Variants in KLHL21 observed in about 807,000 individuals in gnomAD.
The protein encoded by KLHL21 is kelch like family member 21, also known as kelch-like protein 21.
KLHL21 carries 42 observed loss-of-function variants against 44.1 expected under a neutral mutation model. The ratio of observed to expected loss-of-function variants is 0.95; its 90% CI spans 0.74 to 1.23. KLHL21 has a LOEUF of 1.23. Ranked by LOEUF, KLHL21 falls within the 50% of genes most tolerant of loss-of-function variation. KLHL21 has a pLI of 0.00. For missense variants in KLHL21, 918 were observed against 889.1 expected (o/e 1.03, Z -0.41); for synonymous variants, 524 against 411.6 (o/e 1.27, Z -3.31).
At chr1:6,601,669 G>A (rs1040486994) in intron 1 of KLHL21, 128 bp downstream of exon 1, 9 of 1,391,840 alleles carry the variant, frequency 6.5e-6, no homozygotes, top group Admixed American at 5.7e-5. Context: ...GTAGTCACCA[G>A]AGCCCCAGCT....
chr1:6,593,759 C>A (rs1640887636), intron 3 of KLHL21, 101 bp from the exon 4 acceptor site: 2 of 1,431,352 alleles, frequency 1.4e-6, no homozygotes, highest in South Asian at 1.5e-5. Flanking sequence ...GTCAGTACCC[C>A]AGAGGGGTGG....
rs776273068 is a variant in KLHL21, at chr1:6,593,474, A to G, written c.1685T>C (p.Phe562Ser). 2 of 1,613,746 alleles carry G rather than the reference A, an allele frequency of 1.2e-6. No homozygotes were observed. The highest frequency in any genetic ancestry group is 8.5e-7 in the Non-Finnish European group (1 of 1,179,986). Reference protein sequence around the residue: ...WHGSVSIFRQFMPQTFSGGRG... With the variant: ...WHGSVSIFRQSMPQTFSGGRG... ...CCCACCCGAGAAGGTCTGGGGCATG[A>G]ACTGGCGGAAGATGCTGACACTGCC... The change falls in exon 4 of 4, where the codon TTC (phenylalanine) becomes TCC (serine). Residue 562 changes from phenylalanine to serine, a missense_variant. Coordinates refer to ENST00000377658, the MANE Select transcript of KLHL21 (RefSeq NM_014851.4).
chr1:6,600,371 G>C (rs1012659584), intron 1 of KLHL21, among the ~76,000 whole-genome samples: 3 of 152,118 alleles, frequency 2.0e-5, no homozygotes, highest in Admixed American at 6.5e-5. Context: ...AAAAAGCTAA[G>C]AATAAAAAGT....
Position 6,593,615 on chromosome 1 carries a change from T to C in KLHL21, c.1544A>G (p.Tyr515Cys). The C allele has an allele frequency of 6.2e-7, 1 of 1,604,678 alleles. No homozygotes were observed. The highest frequency in any genetic ancestry group is 8.5e-7 in the Non-Finnish European group (1 of 1,173,488). ...TGTATTGTCGTATCCCCCAGAGACGTACAGCTTCCCCCCAAGGACGGCCAG... is the reference window on the plus strand; with the variant it reads ...TGTATTGTCGTATCCCCCAGAGACGCACAGCTTCCCCCCAAGGACGGCCAG... ...GSLAVLGGKLYVSGGYDNTFE... is the reference protein window; with the variant it reads ...GSLAVLGGKLCVSGGYDNTFE... The change falls in exon 4 of 4, where the codon TAC becomes TGC. Residue 515 changes from tyrosine to cysteine, a missense_variant. Tyr to Cys is a radical substitution (Grantham distance 194). Transcript: ENST00000377658.
chr1:6,593,719 T>A (rs936107140), intron 3 of KLHL21, 61 bp from the exon 4 acceptor site: 2 of 1,496,214 alleles, frequency 1.3e-6, no homozygotes, highest in African/African-American at 1.4e-5. Context: ...GGGCCCCACC[T>A]GGGGAACCAC....
chr1:6,598,080 A>G (rs559251746), intron 2 of KLHL21, among the ~76,000 whole-genome samples: 2 of 152,250 alleles, frequency 1.3e-5, no homozygotes, highest in Non-Finnish European at 2.9e-5. Context: ...AAATCGCTTA[A>G]GAAAGCCTGG....
chr1:6,600,016 T>C (rs1421091165), intron 1 of KLHL21, among the ~76,000 whole-genome samples: 1 of 152,132 alleles, frequency 6.6e-6, no homozygotes, highest in African/African-American at 2.4e-5. Flanking sequence ...TGTGTAAGTA[T>C]AATATATATA....
At position 6,593,378 on chromosome 1, in the gene KLHL21, T is replaced by TCGGGGTCCCGCGGCGGC. The variant is rs755115961; in HGVS notation, c.1764_1780dup (p.Asp594GlyfsTer23). On this transcript the variant is annotated frameshift_variant, in exon 4 of 4. Coordinates refer to ENST00000377658, the MANE Select transcript of KLHL21 (RefSeq NM_014851.4). LOFTEE classifies it high-confidence loss of function. ...GCCAGACTGGGGCTAGTGCAGCTCA[T>TCGGGGTCCCGCGGCGGC]CGGGGTCCCGCGGCGGCCGGGGTCG... 19 of 1,597,016 alleles carry TCGGGGTCCCGCGGCGGC rather than the reference T, an allele frequency of 1.2e-5. No individual in the cohort carries two copies. The highest frequency in any genetic ancestry group is 1.6e-5 in the Non-Finnish European group (19 of 1,172,430).
In KLHL21 at chr1:6,599,103, CG is replaced by C. The variant is rs775074911; in HGVS notation, c.1370del (p.Pro457ArgfsTer12). 2 of 1,611,748 alleles carry C rather than the reference CG, an allele frequency of 1.2e-6. No homozygotes were observed. The highest frequency in any genetic ancestry group is 1.7e-6 in the Non-Finnish European group (2 of 1,178,908). Reference protein sequence around the residue: ...LWSLVDCGQLPPWSFAPKTAT... With the variant: ...LWSLVDCGQLXPWSFAPKTAT... The stretch of plus-strand genomic sequence containing the variant: ...CAGTCTTGGGGGCGAAGGACCAGGG[CG>C]GGAGCTGGCCGCAGTCCACCAGCGA... On this transcript the variant is annotated frameshift_variant, in exon 2 of 4. Coordinates refer to ENST00000377658, the MANE Select transcript of KLHL21 (RefSeq NM_014851.4). LOFTEE classifies it high-confidence loss of function.
rs1221736681 is a variant in KLHL21, at chr1:6,601,971, C to T, written c.847G>A (p.Gly283Ser). ...CPRMRPRPSTGLAEILVLVGG... is the reference protein window; with the variant it reads ...CPRMRPRPSTSLAEILVLVGG... ...ACGAGCACGAGGATCTCGGCGAGAC[C>T]GGTGGACGGGCGAGGACGCATTCGG... The change falls in exon 1 of 4, where the codon GGT (glycine) becomes AGT (serine). Residue 283 changes from glycine (G) to serine (S), a missense_variant. Transcript: ENST00000377658. The T allele has an allele frequency of 2.6e-6, 4 of 1,556,950 alleles. No individual in the cohort carries two copies. The highest frequency in any genetic ancestry group is 3.5e-6 in the Non-Finnish European group (4 of 1,150,734).
At chr1:6,597,939 G>A (rs1169404305) in intron 2 of KLHL21, among the ~76,000 whole-genome samples, 2 of 152,230 alleles carry the variant, frequency 1.3e-5, no homozygotes, top group African/African-American at 2.4e-5. Flanking sequence ...GCCGGAGGCA[G>A]CATTTGGCTG....
At chr1:6,596,980 T>C (rs976522523) in intron 2 of KLHL21, among the ~76,000 whole-genome samples, 2 of 152,178 alleles carry the variant, frequency 1.3e-5, no homozygotes, top group Non-Finnish European at 2.9e-5. Context: ...AGAGCCAAAG[T>C]GCGCAGACAA....
chr1:6,602,350 C>G lies in KLHL21; in HGVS notation c.468G>C (p.Ala156=). ...EAFSCSGLAS[A]AQRFILRHVG... The stretch of plus-strand genomic sequence containing the variant: ...CGTGGCGCAGAATGAACCGCTGCGC[C>G]GCGCTCGCCAGTCCCGAGCAGCTGA... The change falls in exon 1 of 4, where the codon GCG becomes GCC. Residue 156 remains alanine, a synonymous_variant. Transcript: ENST00000377658. 6.4e-7 allele frequency: 1 copy of G among 1,564,220 alleles called. No homozygotes were observed.
At chr1:6,595,619 G>C in intron 2 of KLHL21, 62 bp from the exon 3 acceptor site, 1 of 1,441,288 alleles carries the variant, frequency 6.9e-7, no homozygotes. Flanking sequence ...CACATGCAGG[G>C]CTGGAGCAGA....
At chr1:6,596,782 C>T (rs1471599153) in intron 2 of KLHL21, among the ~76,000 whole-genome samples, 1 of 152,200 alleles carries the variant, frequency 6.6e-6, no homozygotes, top group African/African-American at 2.4e-5. Flanking sequence ...GCCGGCATTC[C>T]CAGAGGGGGC....
rs1407593987 is a variant in KLHL21, at chr1:6,601,930, C to T, written c.888G>A (p.Gln296=). Residue 296 remains glutamine (Q), a synonymous_variant, in exon 1 of 4, where the codon CAG becomes CAA. Coordinates refer to ENST00000377658, the MANE Select transcript of KLHL21 (RefSeq NM_014851.4). ...CGACAGTGACCAGCTCGTCACAGTC[C>T]TGGTCGCAGCCGCCCACGAGCACGA... is the stretch of plus-strand genomic sequence containing the variant. ...EILVLVGGCD[Q]DCDELVTVDC... is the part of the protein sequence containing the mutation. The T allele has an allele frequency of 6.4e-6, 10 of 1,561,078 alleles. No homozygotes were observed. Among genetic ancestry groups the T allele is most frequent in the Non-Finnish European group, 7.8e-6 (9 of 1,153,322 alleles).
intron 1 of KLHL21, 103 bp downstream of exon 1, chr1:6,601,694 C>A (rs1570204632): frequency 6.9e-7 from 1 of 1,444,006 alleles, no homozygotes; most frequent in East Asian, 2.5e-5. Flanking sequence ...CTCAGGTGCG[C>A]CCCTAGGATT....
Position 6,601,973 on chromosome 1 carries a change from G to C in KLHL21, c.845C>G (p.Thr282Ser). 6.4e-7 allele frequency: 1 copy of C among 1,556,464 alleles called. No homozygotes were observed. Among genetic ancestry groups the C allele is most frequent in the South Asian group, 1.2e-5 (1 of 84,614 alleles). The change falls in exon 1 of 4, where the codon ACC becomes AGC. Residue 282 changes from threonine (T) to serine (S), a missense_variant. Transcript: ENST00000377658. ...PCPRMRPRPS[T>S]GLAEILVLVG... ...GAGCACGAGGATCTCGGCGAGACCG[G>C]TGGACGGGCGAGGACGCATTCGGGG...
chr1:6,595,336 T>G (rs1333301046), intron 3 of KLHL21, 149 bp downstream of exon 3: 1 of 739,068 alleles, frequency 1.4e-6, no homozygotes, highest in Non-Finnish European at 2.5e-6. Flanking sequence ...GAGCCTTAAG[T>G]GCAAAATAAG....
Sources: allele counts gnomAD v4.1 joint callset (sites outside exome capture counted in the v4.1 genomes callset), GRCh38; gene constraint gnomAD v4.1.1; transcripts MANE v1.5; gene names NCBI Gene and HGNC (gene_info 2026-07-23, HGNC 2026-07-21).